The following RNF216 variants were observed in gnomAD, a reference collection of about 807,000 sequenced individuals.
RNF216 encodes the protein ring finger protein 216, also known as E3 ubiquitin-protein ligase RNF216.
In RNF216, 72 loss-of-function variants were observed where a neutral mutation model predicts 110.8. The ratio of observed to expected loss-of-function variants is 0.65; its 90% CI spans 0.54 to 0.79. The LOEUF (loss-of-function observed/expected upper bound fraction) is 0.79, where lower values mean the gene tolerates loss of function less well. RNF216 is among the 30% of genes least tolerant of loss of function. RNF216 has a pLI of 0.00. For missense variants in RNF216, 1,342 were observed against 1,141.2 expected (o/e 1.18, Z -2.54); for synonymous variants, 495 against 407.5 (o/e 1.21, Z -2.59).
chr7:5,764,189 A>C (rs987859953), intron 1 of RNF216, among the ~76,000 whole-genome samples: 3 of 151,300 alleles, frequency 2.0e-5, no homozygotes, highest in Admixed American at 1.3e-4. Flanking sequence ...GCAAAACTCT[A>C]TCTCAAAAGA....
chr7:5,646,953 C>A (rs1355332027), intron 14 of RNF216, among the ~76,000 whole-genome samples: 1 of 152,128 alleles, frequency 6.6e-6, no homozygotes, highest in Non-Finnish European at 1.5e-5. Context: ...TTGGGTTTTT[C>A]TGAGCATGTG....
chr7:5,774,615 GT>G (rs1296629220), intron 1 of RNF216, among the ~76,000 whole-genome samples: 2 of 152,242 alleles, frequency 1.3e-5, no homozygotes, highest in African/African-American at 4.8e-5. Flanking sequence ...ACAAGGCTAT[GT>G]TGAAAAATGA....
At chr7:5,734,851 A>T (rs1794302692) in intron 5 of RNF216, among the ~76,000 whole-genome samples, 1 of 149,220 alleles carries the variant, frequency 6.7e-6, no homozygotes, top group Non-Finnish European at 1.5e-5. Flanking sequence ...TAAATAAATA[A>T]ATAAATAAAT....
At chr7:5,651,648 CTTTT>C (rs1463497093) in intron 14 of RNF216, among the ~76,000 whole-genome samples, 1 of 142,292 alleles carries the variant, frequency 7.0e-6, no homozygotes, top group Non-Finnish European at 1.5e-5. Flanking sequence ...TCATTGCATT[CTTTT>C]TTTCTTTTTT....
chr7:5,720,382 G>A (rs528139579), intron 9 of RNF216, among the ~76,000 whole-genome samples: 12 of 152,108 alleles, frequency 7.9e-5, no homozygotes, highest in Non-Finnish European at 8.8e-5. Context: ...TCTTAATAAC[G>A]TTTTCTCTAG....
intron 13 of RNF216, among the ~76,000 whole-genome samples, chr7:5,656,154 A>T (rs1413533398): frequency 6.6e-6 from 1 of 152,110 alleles, no homozygotes; most frequent in Non-Finnish European, 1.5e-5. Flanking sequence ...CTGTAATCCC[A>T]GCTACTCTGG....
chr7:5,715,459 T>C (rs2287594), intron 10 of RNF216, among the ~76,000 whole-genome samples: 2,405 of 152,310 alleles, frequency 0.016, 60 homozygotes, highest in East Asian at 0.073. Flanking sequence ...AAAGTTATCA[T>C]ATTCAATCCC....
intron 3 of RNF216, among the ~76,000 whole-genome samples, chr7:5,745,223 G>C (rs1304153524): frequency 1.3e-5 from 2 of 152,092 alleles, no homozygotes; most frequent in Admixed American, 6.6e-5. Context: ...AGAGGTCAAG[G>C]AAGAAAAACC....
intron 1 of RNF216, chr7:5,777,612 A>T (rs1353117431): frequency 6.6e-6 from 1 of 152,264 alleles, no homozygotes; most frequent in African/African-American, 2.4e-5. Flanking sequence ...AGATCAGGTG[A>T]CCACAGGATG....
At chr7:5,679,701 T>C (rs1369161191) in intron 13 of RNF216, among the ~76,000 whole-genome samples, 1 of 152,148 alleles carries the variant, frequency 6.6e-6, no homozygotes, top group Non-Finnish European at 1.5e-5. Context: ...AATGTGCTAC[T>C]GCAAGGAACA....
At chr7:5,765,586 T>C (rs1009382819) in intron 1 of RNF216, among the ~76,000 whole-genome samples, 1 of 151,708 alleles carries the variant, frequency 6.6e-6, no homozygotes, top group East Asian at 2.0e-4. Flanking sequence ...GCCACCATCA[T>C]GCCACTGCAC....
chr7:5,757,711 C>T (rs1427027994), intron 2 of RNF216, among the ~76,000 whole-genome samples: 1 of 152,136 alleles, frequency 6.6e-6, no homozygotes, highest in African/African-American at 2.4e-5. Flanking sequence ...TTAGTGGTTT[C>T]CTTAGGCCTG....
At chr7:5,776,132 A>G (rs1298478569) in intron 1 of RNF216, among the ~76,000 whole-genome samples, 1 of 152,158 alleles carries the variant, frequency 6.6e-6, no homozygotes, top group African/African-American at 2.4e-5. Context: ...CCATATGTGA[A>G]AGCTGTGGAT....
intron 15 of RNF216, among the ~76,000 whole-genome samples, chr7:5,637,053 G>T (rs1412966568): frequency 6.6e-6 from 1 of 152,138 alleles, no homozygotes; most frequent in African/African-American, 2.4e-5. Flanking sequence ...CTCTAGAGAT[G>T]AAATACTGCC....
chr7:5,778,460 T>G (rs1286406983), intron 1 of RNF216, among the ~76,000 whole-genome samples: 1 of 152,168 alleles, frequency 6.6e-6, no homozygotes, highest in African/African-American at 2.4e-5. Flanking sequence ...TTTAATATAC[T>G]TATTTAGGAA....
At chr7:5,713,610 C>G (rs975118243) in intron 11 of RNF216, among the ~76,000 whole-genome samples, 3 of 152,186 alleles carry the variant, frequency 2.0e-5, no homozygotes, top group African/African-American at 7.2e-5. Flanking sequence ...GGCTCCTATG[C>G]ACCTAGAGTC....
At chr7:5,759,636 T>C (rs13236200) in intron 2 of RNF216, among the ~76,000 whole-genome samples, 3 of 1,016 alleles carry the variant, frequency 3.0e-3, no homozygotes, top group Non-Finnish European at 6.4e-3. Flanking sequence ...TTTTCTTCTT[T>C]TTTTTTTTTT....
intron 13 of RNF216, among the ~76,000 whole-genome samples, chr7:5,706,035 A>G (rs1307724754): frequency 2.0e-5 from 3 of 151,864 alleles, no homozygotes; most frequent in South Asian, 2.1e-4. Context: ...CCTGGCTAAC[A>G]TGGTGAAACC....
intron 5 of RNF216, among the ~76,000 whole-genome samples, chr7:5,731,945 C>T (rs552032524): frequency 1.3e-3 from 203 of 152,310 alleles, no homozygotes; most frequent in African/African-American, 4.4e-3. Context: ...CGGGGACCCA[C>T]GTCAAAGCCT....
Sources: gnomAD v4.1 joint callset for allele counts (sites outside exome capture counted in the v4.1 genomes callset) on GRCh38, gnomAD v4.1.1 for gene constraint, MANE v1.5 for transcripts, NCBI Gene and HGNC (gene_info 2026-07-23, HGNC 2026-07-21) for gene names.